SLIT3: variants seen among roughly 807,000 people sequenced by gnomAD.
SLIT3 encodes the protein slit homolog 3 protein.
In SLIT3, 68 loss-of-function variants were observed where a neutral mutation model predicts 184.0. That is an observed-to-expected ratio of 0.37 (90% CI 0.30 to 0.45). The LOEUF (loss-of-function observed/expected upper bound fraction) is 0.45. SLIT3 is among the 20% of genes least tolerant of loss of function. The pLI is 1.00. For synonymous variants in SLIT3, 831 were observed against 828.6 expected (o/e 1.00, Z -0.05); for missense variants, 1,707 against 2,026.0 (o/e 0.84, Z 3.02).
intron 22 of SLIT3, 70 bp downstream of exon 22, chr5:168,722,863 G>C: frequency 8.4e-7 from 1 of 1,183,568 alleles, no homozygotes; most frequent in Non-Finnish European, 1.3e-6. Flanking sequence ...CCTGCTGGGA[G>C]GGAGGGAAAG....
At chr5:169,255,391 A>AGATG (rs1459266808) in intron 1 of SLIT3, among the ~76,000 whole-genome samples, 2 of 152,172 alleles carry the variant, frequency 1.3e-5, no homozygotes, top group Non-Finnish European at 2.9e-5. Flanking sequence ...GAAGACAGTG[A>AGATG]GATGGATGAT....
At chr5:169,190,486 C>T (rs1763517910) in intron 4 of SLIT3, among the ~76,000 whole-genome samples, 3 of 152,206 alleles carry the variant, frequency 2.0e-5, no homozygotes, top group Admixed American at 2.0e-4. Context: ...AAACTAACTT[C>T]TGTCACTTGC....
chr5:168,793,808 G>A (rs913310205), intron 10 of SLIT3, among the ~76,000 whole-genome samples: 1 of 151,906 alleles, frequency 6.6e-6, no homozygotes, highest in African/African-American at 2.4e-5. Flanking sequence ...ATTGGGGGGG[G>A]GGATGCATGG....
At chr5:168,882,925 C>T (rs1016138187) in intron 5 of SLIT3, among the ~76,000 whole-genome samples, 1 of 152,156 alleles carries the variant, frequency 6.6e-6, no homozygotes, top group Non-Finnish European at 1.5e-5. Flanking sequence ...TTCTCAGTTG[C>T]ACAAAACATG....
At chr5:168,734,052 G>T (rs1763363943) in intron 20 of SLIT3, among the ~76,000 whole-genome samples, 1 of 152,132 alleles carries the variant, frequency 6.6e-6, no homozygotes, top group African/African-American at 2.4e-5. Flanking sequence ...AGGGTGCTGA[G>T]GGCTGAAAAA....
intron 4 of SLIT3, among the ~76,000 whole-genome samples, chr5:168,933,079 T>G (rs993065882): frequency 1.3e-5 from 2 of 152,152 alleles, no homozygotes; most frequent in Non-Finnish European, 2.9e-5. Flanking sequence ...CTTGTGGGAT[T>G]GAAGAGAACA....
At chr5:169,271,527 G>T (rs1268225353) in intron 1 of SLIT3, among the ~76,000 whole-genome samples, 1 of 152,190 alleles carries the variant, frequency 6.6e-6, no homozygotes, top group African/African-American at 2.4e-5. Context: ...ACGGGGCATT[G>T]CGAGGGGGTA....
At chr5:168,746,615 GTAGTATGGT>G (rs1754437982) in intron 20 of SLIT3, among the ~76,000 whole-genome samples, 1 of 108,718 alleles carries the variant, frequency 9.2e-6, no homozygotes, top group Non-Finnish European at 1.9e-5. Context: ...GGTGTGGTGT[GTAGTATGGT>G]GGTGTGGTGG....
chr5:168,687,266 G>A (rs1343203852), intron 29 of SLIT3, 150 bp from the exon 30 acceptor site: 51 of 860,562 alleles, frequency 5.9e-5, no homozygotes, highest in East Asian at 4.8e-4. Context: ...TCCACAGCAG[G>A]TTTCCCTGGT....
intron 3 of SLIT3, 152 bp from the exon 4 acceptor site, chr5:169,193,702 A>G (rs1157265092): frequency 2.8e-6 from 2 of 702,284 alleles, no homozygotes; most frequent in African/African-American, 3.5e-5. Context: ...CATGTAAGGT[A>G]TATTCCCTGT....
At chr5:168,817,050 G>GA (rs1279907363) in intron 8 of SLIT3, among the ~76,000 whole-genome samples, 1 of 151,988 alleles carries the variant, frequency 6.6e-6, no homozygotes, top group African/African-American at 2.4e-5. Flanking sequence ...AATGGACTAG[G>GA]GGCTGAAAAA....
At chr5:169,275,198 A>G (rs1766761616) in intron 1 of SLIT3, among the ~76,000 whole-genome samples, 1 of 152,210 alleles carries the variant, frequency 6.6e-6, no homozygotes, top group Non-Finnish European at 1.5e-5. Flanking sequence ...CTTCTCATGC[A>G]TAGGTGCTGA....
intron 12 of SLIT3, among the ~76,000 whole-genome samples, chr5:168,782,852 A>G (rs746671603): frequency 1.3e-5 from 2 of 152,162 alleles, no homozygotes; most frequent in Non-Finnish European, 2.9e-5. Flanking sequence ...TAAACAATAA[A>G]TGCGTGTTTA....
chr5:169,291,885 G>C (rs550685573), intron 1 of SLIT3, among the ~76,000 whole-genome samples: 2 of 152,290 alleles, frequency 1.3e-5, no homozygotes, highest in South Asian at 4.1e-4. Flanking sequence ...CTCTGACGTA[G>C]TTGCCACATC....
intron 12 of SLIT3, among the ~76,000 whole-genome samples, chr5:168,784,891 A>G (rs550936825): frequency 3.6e-4 from 54 of 149,878 alleles, no homozygotes; most frequent in African/African-American, 9.4e-4. Context: ...ACACACACGC[A>G]CACACACACC....
At chr5:169,006,100 C>A (rs1166523236) in intron 4 of SLIT3, among the ~76,000 whole-genome samples, 2 of 152,152 alleles carry the variant, frequency 1.3e-5, no homozygotes, top group Non-Finnish European at 2.9e-5. Context: ...TGAAAGGGGA[C>A]ACAGACAAGA....
At chr5:168,999,863 G>T (rs1755642961) in intron 4 of SLIT3, among the ~76,000 whole-genome samples, 1 of 152,188 alleles carries the variant, frequency 6.6e-6, no homozygotes, top group African/African-American at 2.4e-5. Flanking sequence ...TGCAAAAGTG[G>T]ACCTGCTGGA....
chr5:169,047,331 A>C (rs190965958), intron 4 of SLIT3, among the ~76,000 whole-genome samples: 1 of 152,190 alleles, frequency 6.6e-6, no homozygotes, highest in East Asian at 1.9e-4. Flanking sequence ...CCCGCTTTCA[A>C]ATCTGTCTCC....
chr5:168,771,649 A>G (rs1037323318), intron 14 of SLIT3, among the ~76,000 whole-genome samples: 7 of 152,126 alleles, frequency 4.6e-5, no homozygotes, highest in African/African-American at 1.7e-4. Context: ...CCAACTTTTC[A>G]CAGTGCCACA....
Sources: allele counts gnomAD v4.1 joint callset (sites outside exome capture counted in the v4.1 genomes callset), GRCh38; gene constraint gnomAD v4.1.1; transcripts MANE v1.5; gene names NCBI Gene and HGNC (gene_info 2026-07-23, HGNC 2026-07-21).